RNASEL: variants seen among roughly 807,000 people sequenced by gnomAD.
RNASEL encodes ribonuclease L.
RNASEL carries 36 observed loss-of-function variants against 50.9 expected under a neutral mutation model. The observed-to-expected ratio is 0.71, with a 90% confidence interval of 0.54 to 0.93. The LOEUF (loss-of-function observed/expected upper bound fraction) is 0.93, where lower values mean the gene tolerates loss of function less well. Ranked by LOEUF, RNASEL falls within the 40% of genes least tolerant of loss-of-function variation. RNASEL has a pLI of 0.00. For synonymous variants in RNASEL, 335 were observed against 335.6 expected (o/e 1.00, Z 0.02); for missense variants, 860 against 894.5 (o/e 0.96, Z 0.49).
chr1:182,587,958 C>T (rs75136036), intron 1 of RNASEL, among the ~76,000 whole-genome samples: 25 of 152,264 alleles, frequency 1.6e-4, no homozygotes, highest in South Asian at 4.1e-4. Flanking sequence ...GCATAGCATT[C>T]GATAAATACA....
At chr1:182,583,832 A>G (rs1169590285) in intron 3 of RNASEL, among the ~76,000 whole-genome samples, 1 of 152,188 alleles carries the variant, frequency 6.6e-6, no homozygotes, top group Admixed American at 6.5e-5. Context: ...TGAAGGCTGC[A>G]CTGTCGGCTT....
Position 182,582,267 on chromosome 1 carries a change from A to G in RNASEL, c.1567-9T>C, listed in dbSNP as rs371446894. ...ACCAGCCGTCCAAGGTCCTGCACAA[A>G]AGCCATAAATCAAGCCAAAGATGCT... On this transcript the variant is annotated splice_polypyrimidine_tract_variant and intron_variant, in intron 3 of 6. Transcript: ENST00000367559. The G allele has an allele frequency of 1.1e-5, 18 of 1,614,098 alleles. No homozygotes were observed. Among genetic ancestry groups the G allele is most frequent in the Non-Finnish European group, 1.5e-5 (18 of 1,179,944 alleles).
In RNASEL at chr1:182,586,953, A is replaced by G; in HGVS notation, c.-147T>C. On this transcript the variant is annotated 5_prime_UTR_variant, in exon 2 of 7. The change abolishes the stop of an existing upstream ORF in the 5' untranslated region. Coordinates refer to ENST00000367559, the MANE Select transcript of RNASEL (RefSeq NM_021133.4). The stretch of plus-strand genomic sequence containing the variant: ...AGTATGAAGAAGGAACAATGTTCTC[A>G]GTCTTCTGACATTCCACCTGGCAAC... 1 of 1,060,148 alleles carries G rather than the reference A, an allele frequency of 9.4e-7. No homozygotes were observed. The highest frequency in any genetic ancestry group is 1.4e-6 in the Non-Finnish European group (1 of 703,228). 65.7% of individuals were successfully genotyped at this position (1,060,148 alleles called of 1,614,324 possible). A position where few individuals can be genotyped will look rare whatever the true frequency, so the allele number is the denominator to read the frequency against.
intron 5 of RNASEL, chr1:182,578,076 CA>C (rs1661424428): frequency 6.6e-6 from 1 of 151,938 alleles, no homozygotes; most frequent in Non-Finnish European, 1.5e-5. Flanking sequence ...TTGGTCTAGG[CA>C]AAGAATTCAT....
chr1:182,574,368 T>C lies in RNASEL; in HGVS notation c.*1024A>G, dbSNP rs1319189404. 2 of 227,294 alleles carry C rather than the reference T, an allele frequency of 8.8e-6. No homozygotes were observed. Among genetic ancestry groups the C allele is most frequent in the Non-Finnish European group, 1.7e-5 (2 of 114,522 alleles). 14.1% of individuals were successfully genotyped at this position (227,294 alleles called of 1,614,324 possible). On this transcript the variant is annotated 3_prime_UTR_variant, in exon 7 of 7. Transcript: ENST00000367559. Reference sequence around the variant, plus strand: ...GAGCTCCTAGACTGGGTATGGGAAGTGAGGGAGGCCTGGGAGCCTCCTGTG... The same window carrying C: ...GAGCTCCTAGACTGGGTATGGGAAGCGAGGGAGGCCTGGGAGCCTCCTGTG...
chr1:182,588,869 G>A (rs1011356017), intron 1 of RNASEL, among the ~76,000 whole-genome samples: 1 of 152,168 alleles, frequency 6.6e-6, no homozygotes, highest in South Asian at 2.1e-4. Context: ...GAGAAGAGAC[G>A]AGCCTGCGGA....
At chr1:182,585,018 T>C (rs1381675849) in intron 2 of RNASEL, among the ~76,000 whole-genome samples, 1 of 152,186 alleles carries the variant, frequency 6.6e-6, no homozygotes, top group Non-Finnish European at 1.5e-5. Flanking sequence ...AACTCACCTC[T>C]AGGATTCTCA....
intron 3 of RNASEL, among the ~76,000 whole-genome samples, chr1:182,583,432 T>C (rs1238708363): frequency 6.6e-6 from 1 of 152,204 alleles, no homozygotes; most frequent in African/African-American, 2.4e-5. Context: ...TAAAATAGAA[T>C]GCCCTCCAAT....
In RNASEL at chr1:182,579,167, T is replaced by C. The variant is rs189430801; in HGVS notation, c.1905+2058A>G. On this transcript the variant is annotated intron_variant, in intron 5 of 6. Transcript: ENST00000367559. ...AATGGTTACACTAAAAGCCCAACTT[T>C]ACCACTACACAATATATCCATGTAA... 8.7e-5 allele frequency: 76 copies of C among 868,606 alleles called. 1 individual carries two copies. The African/African-American group carries it at 1.3e-3, about 15-fold the overall frequency. The allele number at this position is 868,606 out of a possible 1,614,324, so 53.8% of individuals were successfully genotyped here.
Position 182,584,096 on chromosome 1 carries a change from G to A in RNASEL, c.1551C>T (p.Val517=). The A allele has an allele frequency of 6.2e-7, 1 of 1,613,200 alleles. No homozygotes were observed. The highest frequency in any genetic ancestry group is 1.1e-5 in the South Asian group (1 of 91,052). ...TAGAATTTACCTCTAGATCTCTCTTGACTTCCTGTGGATCTCCAGCCCACT... is the reference window on the plus strand; with the variant it reads ...TAGAATTTACCTCTAGATCTCTCTTAACTTCCTGTGGATCTCCAGCCCACT... ...SIKWAGDPQE[V]KRDLEDLGRL... is the part of the protein sequence containing the mutation. The change falls in exon 3 of 7, where the codon GTC becomes GTT. Residue 517 remains valine (V), a synonymous_variant. Transcript: ENST00000367559.
chr1:182,586,037 C>G lies in RNASEL; in HGVS notation c.770G>C (p.Arg257Thr), dbSNP rs1256211106. The G allele has an allele frequency of 6.2e-7, 1 of 1,614,068 alleles. No individual in the cohort carries two copies. Among genetic ancestry groups the G allele is most frequent in the Non-Finnish European group, 8.5e-7 (1 of 1,180,032 alleles). Reference protein sequence around the residue: ...VEKKHLGLVQRLLEQEHIEIN... With the variant: ...VEKKHLGLVQTLLEQEHIEIN... ...CTCTATGTGCTCTTGCTCCAGAAGC[C>G]TCTGCACCAAACCCAAGTGCTTCTT... The change falls in exon 2 of 7, where the codon AGG becomes ACG. Residue 257 changes from arginine (R) to threonine (T), a missense_variant. Coordinates refer to ENST00000367559, the MANE Select transcript of RNASEL (RefSeq NM_021133.4).
At chr1:182,581,401 C>G in intron 4 of RNASEL, 44 bp from the exon 5 acceptor site, 1 of 1,612,564 alleles carries the variant, frequency 6.2e-7, no homozygotes, top group South Asian at 1.1e-5. Context: ...TCATCCCATC[C>G]CTCCCTTTCC....
chr1:182,585,329 A>G lies in RNASEL; in HGVS notation c.1478T>C (p.Ile493Thr). 7.4e-6 allele frequency: 12 copies of G among 1,614,028 alleles called. No individual in the cohort carries two copies. Among genetic ancestry groups the G allele is most frequent in the Non-Finnish European group, 1.0e-5 (12 of 1,179,914 alleles). ...HQDLQPQNIL[I>T]DSKKAAHLAD... ...AGAATTGGGGATTGGGGACTCACCT[A>G]TTAAGATGTTTTGTGGTTGCAGATC... Residue 493 changes from isoleucine to threonine, a missense_variant and splice_region_variant, in exon 2 of 7, where the codon ATA (isoleucine) becomes ACA (threonine). Coordinates refer to ENST00000367559, the MANE Select transcript of RNASEL (RefSeq NM_021133.4).
intron 3 of RNASEL, among the ~76,000 whole-genome samples, chr1:182,582,951 A>G (rs1307027742): frequency 6.6e-6 from 1 of 152,154 alleles, no homozygotes; most frequent in African/African-American, 2.4e-5. Flanking sequence ...TCCCCTCAGG[A>G]GCAACAGCTA....
In RNASEL at chr1:182,585,874, AT is replaced by A. The variant is rs1558476304; in HGVS notation, c.932del (p.Asn311IlefsTer7). ...GAACCTTCACAAGGGAATGGTCATAATTCCGCCTCGCTGTCATAACAAGATC... is the reference window on the plus strand; with the variant it reads ...GAACCTTCACAAGGGAATGGTCATAATCCGCCTCGCTGTCATAACAAGATC... ...CGDLVMTARRNYDHSLVKVLL... is the reference protein window; with the variant it reads ...CGDLVMTARRXYDHSLVKVLL... On this transcript the variant is annotated frameshift_variant, in exon 2 of 7. Transcript: ENST00000367559. LOFTEE classifies it high-confidence loss of function. 2 of 1,612,538 alleles carry A rather than the reference AT, an allele frequency of 1.2e-6. No individual in the cohort carries two copies. The highest frequency in any genetic ancestry group is 1.7e-6 in the Non-Finnish European group (2 of 1,178,782).
rs373310094 is a variant in RNASEL, at chr1:182,575,368, C to T, written c.*24G>A. ...GGACTCTACAGCTAATAAGTAGTTCCCTGAACTCCAGCAAATCAGTCCATC... is the reference window on the plus strand; with the variant it reads ...GGACTCTACAGCTAATAAGTAGTTCTCTGAACTCCAGCAAATCAGTCCATC... On this transcript the variant is annotated 3_prime_UTR_variant, in exon 7 of 7. Transcript: ENST00000367559. 1.6e-5 allele frequency: 25 copies of T among 1,610,322 alleles called. No individual in the cohort carries two copies. The highest frequency in any genetic ancestry group is 2.0e-5 in the Non-Finnish European group (24 of 1,177,180).
chr1:182,575,925 G>T (rs996513397), intron 6 of RNASEL, among the ~76,000 whole-genome samples: 7 of 152,166 alleles, frequency 4.6e-5, no homozygotes, highest in African/African-American at 1.7e-4. Context: ...AACTAATGTG[G>T]GCTATTTTTA....
Position 182,586,247 on chromosome 1 carries a change from A to G in RNASEL, c.560T>C (p.Leu187Pro). The G allele has an allele frequency of 6.2e-7, 1 of 1,614,212 alleles. No homozygotes were observed. The highest frequency in any genetic ancestry group is 8.5e-7 in the Non-Finnish European group (1 of 1,180,038). Residue 187 changes from leucine (L) to proline (P), a missense_variant, in exon 2 of 7, where the codon CTC becomes CCC. Transcript: ENST00000367559. The part of the protein sequence containing the change: ...EKGHVEVLKI[L>P]LDEMGADVNA... Reference sequence around the variant, plus strand: ...TACATCTGCCCCCATCTCATCAAGGAGAATCTTCAAGACCTCTACGTGTCC... The same window carrying G: ...TACATCTGCCCCCATCTCATCAAGGGGAATCTTCAAGACCTCTACGTGTCC...
Position 182,575,504 on chromosome 1 carries a change from G to C in RNASEL, c.2114C>G (p.Thr705Arg). Residue 705 changes from threonine to arginine, a missense_variant, in exon 7 of 7, where the codon ACA becomes AGA. By Grantham distance (71) the Thr-to-Arg change is moderately conservative. Coordinates refer to ENST00000367559, the MANE Select transcript of RNASEL (RefSeq NM_021133.4). ...TFPDLVIYVY[T>R]KLQNTEYRKH... Reference sequence around the variant, plus strand: ...TCTATATTCTGTGTTCTGTAGTTTTGTGTAGACATAGATCACCAGATCTGG... The same window carrying C: ...TCTATATTCTGTGTTCTGTAGTTTTCTGTAGACATAGATCACCAGATCTGG... The C allele has an allele frequency of 1.2e-6, 2 of 1,614,162 alleles. No homozygotes were observed.
Sources: allele counts gnomAD v4.1 joint callset (sites outside exome capture counted in the v4.1 genomes callset), GRCh38; gene constraint gnomAD v4.1.1; transcripts MANE v1.5; gene names NCBI Gene and HGNC (gene_info 2026-07-23, HGNC 2026-07-21).